WDPCP: variants seen among roughly 807,000 people sequenced by gnomAD.
WDPCP encodes the protein WD repeat-containing and planar cell polarity effector protein fritz homolog.
WDPCP carries 71 observed loss-of-function variants against 93.1 expected under a neutral mutation model. That is an observed-to-expected ratio of 0.76 (90% CI 0.63 to 0.93). WDPCP has a LOEUF of 0.93. Ranked by LOEUF, WDPCP falls within the 40% of genes least tolerant of loss-of-function variation. The pLI, the probability that WDPCP is intolerant of heterozygous loss-of-function variation, is 0.00. For missense variants in WDPCP, 844 were observed against 887.4 expected (o/e 0.95, Z 0.62); for synonymous variants, 315 against 315.0 (o/e 1.00, Z 0.00).
At chr2:63,172,869 G>A (rs551806427) in intron 15 of WDPCP, among the ~76,000 whole-genome samples, 1 of 152,210 alleles carries the variant, frequency 6.6e-6, no homozygotes, top group African/African-American at 2.4e-5. Context: ...CAGAAAGAGA[G>A]GGGCACTTTT....
chr2:63,343,301 T>C (rs960802590), intron 12 of WDPCP, among the ~76,000 whole-genome samples: 3 of 151,014 alleles, frequency 2.0e-5, no homozygotes, highest in African/African-American at 7.3e-5. Flanking sequence ...TTTTTTTTTT[T>C]CTTTAAACAG....
chr2:63,793,118 T>C (rs1024162164), intron 2 of WDPCP, among the ~76,000 whole-genome samples: 1 of 149,180 alleles, frequency 6.7e-6, no homozygotes, highest in Non-Finnish European at 1.5e-5. Context: ...GCTTCTTGAT[T>C]TTTTTTTTTA....
At chr2:63,246,120 T>C (rs1359966297) in intron 14 of WDPCP, among the ~76,000 whole-genome samples, 1 of 152,106 alleles carries the variant, frequency 6.6e-6, no homozygotes, top group Non-Finnish European at 1.5e-5. Flanking sequence ...AGGATACCAA[T>C]GACAGAAGAA....
intron 2 of WDPCP, chr2:63,684,336 T>C: frequency 1.5e-6 from 1 of 655,128 alleles, no homozygotes; most frequent in Non-Finnish European, 2.9e-6. Context: ...TGGGAAGGTG[T>C]CGCTTGTCCT....
At chr2:63,624,612 C>A (rs1479220287) in intron 3 of WDPCP, among the ~76,000 whole-genome samples, 2 of 152,072 alleles carry the variant, frequency 1.3e-5, no homozygotes, top group African/African-American at 4.8e-5. Context: ...ACATATACAC[C>A]CTCCCAAGAC....
intron 6 of WDPCP, chr2:63,442,640 C>T (rs1289469429): frequency 1.3e-5 from 2 of 152,158 alleles, no homozygotes; most frequent in Non-Finnish European, 2.9e-5. Flanking sequence ...GTAAAAAATG[C>T]AATCTTTTGT....
intron 17 of WDPCP, 89 bp downstream of exon 17, chr2:63,152,825 T>G: frequency 8.1e-7 from 1 of 1,237,416 alleles, no homozygotes; most frequent in Non-Finnish European, 1.2e-6. Flanking sequence ...GACCAATAGA[T>G]AGCATTTCTT....
intron 10 of WDPCP, among the ~76,000 whole-genome samples, chr2:63,399,766 T>A (rs1324960294): frequency 1.8e-4 from 27 of 152,164 alleles, no homozygotes; most frequent in Admixed American, 1.7e-3. Flanking sequence ...AGGCAAAGTA[T>A]AACTGGATTA....
chr2:63,782,683 T>C (rs935157331), intron 2 of WDPCP, among the ~76,000 whole-genome samples: 7 of 151,712 alleles, frequency 4.6e-5, no homozygotes, highest in Non-Finnish European at 1.0e-4. Flanking sequence ...TAATGAATGT[T>C]GGCAAAGGTG....
At chr2:63,612,590 T>C (rs1252303045) in intron 3 of WDPCP, among the ~76,000 whole-genome samples, 1 of 152,212 alleles carries the variant, frequency 6.6e-6, no homozygotes, top group Non-Finnish European at 1.5e-5. Context: ...ACAAACCTTA[T>C]TCCTTTTGTT....
At chr2:63,587,308 A>T (rs561556448) in intron 1 of WDPCP, among the ~76,000 whole-genome samples, 2 of 152,324 alleles carry the variant, frequency 1.3e-5, no homozygotes, top group Admixed American at 6.5e-5. Context: ...ACTAAAAAAA[A>T]TTTAGAAACT....
At chr2:63,157,604 G>T (rs2103862615) in intron 15 of WDPCP, among the ~76,000 whole-genome samples, 1 of 152,128 alleles carries the variant, frequency 6.6e-6, no homozygotes, top group African/African-American at 2.4e-5. Context: ...TTCATTTTCT[G>T]CCAGTTTGGT....
At chr2:63,752,159 C>T (rs550525995) in intron 2 of WDPCP, 34 of 627,450 alleles carry the variant, frequency 5.4e-5, no homozygotes, top group Middle Eastern at 4.7e-4. Flanking sequence ...ATTTTATCCA[C>T]GGAGTCATGG....
intron 2 of WDPCP, among the ~76,000 whole-genome samples, chr2:63,490,768 G>A (rs1700830707): frequency 1.3e-5 from 2 of 152,192 alleles, no homozygotes; most frequent in Non-Finnish European, 2.9e-5. Flanking sequence ...GAATTTGCTG[G>A]GCATGAACAG....
At chr2:63,437,297 G>A (rs1030333451) in intron 8 of WDPCP, 124 bp downstream of exon 8, 6 of 838,854 alleles carry the variant, frequency 7.2e-6, no homozygotes, top group Non-Finnish European at 7.0e-6. Flanking sequence ...GCTTAATCCT[G>A]TAATATTTCC....
At chr2:63,362,163 C>T (rs1176461548) in intron 12 of WDPCP, among the ~76,000 whole-genome samples, 1 of 151,322 alleles carries the variant, frequency 6.6e-6, no homozygotes, top group Non-Finnish European at 1.5e-5. Context: ...AATAACAGAA[C>T]TTATTTTTTC....
intron 13 of WDPCP, among the ~76,000 whole-genome samples, chr2:63,308,669 C>T (rs1314338120): frequency 6.6e-6 from 1 of 152,034 alleles, no homozygotes; most frequent in Non-Finnish European, 1.5e-5. Context: ...CACATGTTCT[C>T]ACTCATAAGT....
At chr2:63,664,294 TC>T (rs1344823674) in intron 2 of WDPCP, among the ~76,000 whole-genome samples, 1 of 152,216 alleles carries the variant, frequency 6.6e-6, no homozygotes, top group African/African-American at 2.4e-5. Flanking sequence ...TGGAAGAATG[TC>T]CAGGAAGATA....
chr2:63,727,109 T>A (rs1482693256), intron 2 of WDPCP, among the ~76,000 whole-genome samples: 1 of 152,176 alleles, frequency 6.6e-6, no homozygotes, highest in Non-Finnish European at 1.5e-5. Flanking sequence ...AGAATGGGCA[T>A]CCTTGTTTTG....
Sources: gnomAD v4.1 joint callset for allele counts (sites outside exome capture counted in the v4.1 genomes callset) on GRCh38, gnomAD v4.1.1 for gene constraint, MANE v1.5 for transcripts, NCBI Gene and HGNC (gene_info 2026-07-23, HGNC 2026-07-21) for gene names.